Variants in UBAC2 observed in about 807,000 individuals in gnomAD.
UBAC2 encodes UBA domain containing 2.
In UBAC2, 26 loss-of-function variants were observed where a neutral mutation model predicts 44.0. That is an observed-to-expected ratio of 0.59 (90% CI 0.43 to 0.82). The LOEUF (loss-of-function observed/expected upper bound fraction) is 0.82. Ranked by LOEUF, UBAC2 falls within the 40% of genes least tolerant of loss-of-function variation. The pLI, the probability that UBAC2 is intolerant of heterozygous loss-of-function variation, is 0.00. For missense variants in UBAC2, 329 were observed against 419.4 expected (o/e 0.78, Z 1.88); for synonymous variants, 155 against 154.3 (o/e 1.00, Z -0.04).
chr13:99,258,334 G>C (rs755540362), intron 4 of UBAC2: 2 of 152,184 alleles, frequency 1.3e-5, no homozygotes, highest in Non-Finnish European at 2.9e-5. Context: ...CCAGTGTAAC[G>C]CTTGGCGTCG....
chr13:99,278,050 A>C (rs1421200119), intron 4 of UBAC2, among the ~76,000 whole-genome samples: 1 of 152,146 alleles, frequency 6.6e-6, no homozygotes, highest in Non-Finnish European at 1.5e-5. Flanking sequence ...CATGTTTTCC[A>C]GTTCTGCCTC....
intron 4 of UBAC2, among the ~76,000 whole-genome samples, chr13:99,253,856 C>T (rs976772521): frequency 6.6e-6 from 1 of 152,112 alleles, no homozygotes; most frequent in African/African-American, 2.4e-5. Flanking sequence ...GTTCTAAGCC[C>T]CAGTAGGATA....
intron 4 of UBAC2, among the ~76,000 whole-genome samples, chr13:99,297,104 G>A (rs2044187131): frequency 1.3e-5 from 2 of 152,136 alleles, no homozygotes; most frequent in South Asian, 4.1e-4. Flanking sequence ...CTCCCTTGAT[G>A]AACTTTTGGA....
chr13:99,202,093 AAGAT>A (rs1424457321), intron 1 of UBAC2, among the ~76,000 whole-genome samples: 1 of 150,918 alleles, frequency 6.6e-6, no homozygotes, highest in African/African-American at 2.4e-5. Context: ...AAAAAAAAAA[AAGAT>A]CTGTTGGGAA....
chr13:99,307,085 A>C (rs184577800), intron 4 of UBAC2, among the ~76,000 whole-genome samples: 2 of 152,210 alleles, frequency 1.3e-5, no homozygotes, highest in Non-Finnish European at 2.9e-5. Context: ...ATACAGTAGT[A>C]CATGAAGTGA....
chr13:99,263,550 A>G (rs912972734), intron 4 of UBAC2, among the ~76,000 whole-genome samples: 1 of 152,230 alleles, frequency 6.6e-6, no homozygotes, highest in Non-Finnish European at 1.5e-5. Context: ...AGTAACAAGG[A>G]ACATTGCTGG....
chr13:99,270,459 T>C (rs986110776), intron 4 of UBAC2, among the ~76,000 whole-genome samples: 5 of 152,230 alleles, frequency 3.3e-5, no homozygotes, highest in African/African-American at 1.2e-4. Context: ...TTTGTCTTCC[T>C]AAATAATGCT....
intron 4 of UBAC2, among the ~76,000 whole-genome samples, chr13:99,274,048 A>G (rs2043851639): frequency 6.6e-6 from 1 of 152,210 alleles, no homozygotes; most frequent in East Asian, 1.9e-4. Context: ...TCTAAGCACC[A>G]TCCAGTTGAA....
intron 7 of UBAC2, among the ~76,000 whole-genome samples, chr13:99,344,755 AC>A (rs1166479430): frequency 5.3e-5 from 8 of 152,020 alleles, no homozygotes; most frequent in Admixed American, 4.6e-4. Flanking sequence ...GCTCGCTGCC[AC>A]CCCCTGCCAC....
At chr13:99,331,151 G>A (rs1174670046) in intron 6 of UBAC2, among the ~76,000 whole-genome samples, 1 of 152,188 alleles carries the variant, frequency 6.6e-6, no homozygotes, top group African/African-American at 2.4e-5. Flanking sequence ...CTAAGTCCTG[G>A]CGTCCTGGCC....
intron 4 of UBAC2, among the ~76,000 whole-genome samples, chr13:99,263,064 T>C (rs2043691063): frequency 6.6e-6 from 1 of 152,186 alleles, no homozygotes. Flanking sequence ...CCCAGAAATA[T>C]TTACTCATGA....
At chr13:99,318,253 T>G (rs989347367) in intron 6 of UBAC2, among the ~76,000 whole-genome samples, 184 bp downstream of exon 6, 1 of 152,020 alleles carries the variant, frequency 6.6e-6, no homozygotes, top group African/African-American at 2.4e-5. Flanking sequence ...CCACAACCTC[T>G]GCCTCCCGGA....
chr13:99,290,992 G>T (rs1489294931), intron 4 of UBAC2, among the ~76,000 whole-genome samples: 1 of 152,176 alleles, frequency 6.6e-6, no homozygotes, highest in Non-Finnish European at 1.5e-5. Flanking sequence ...ATGGAGCTCA[G>T]GCTACAGGGT....
At chr13:99,207,107 C>T (rs2042881731) in intron 1 of UBAC2, among the ~76,000 whole-genome samples, 1 of 152,268 alleles carries the variant, frequency 6.6e-6, no homozygotes, top group African/African-American at 2.4e-5. Flanking sequence ...GATGCTTTCT[C>T]CTGCGGGTGC....
chr13:99,217,717 G>C (rs2043013420), intron 1 of UBAC2, among the ~76,000 whole-genome samples: 1 of 152,222 alleles, frequency 6.6e-6, no homozygotes, highest in African/African-American at 2.4e-5. Flanking sequence ...AGGTTGTGGG[G>C]GGCAGGTTGG....
intron 1 of UBAC2, among the ~76,000 whole-genome samples, chr13:99,230,836 G>C (rs997169737): frequency 4.6e-5 from 7 of 152,064 alleles, no homozygotes; most frequent in African/African-American, 1.4e-4. Flanking sequence ...GGATCATGAG[G>C]TCAGGAGTCT....
intron 4 of UBAC2, among the ~76,000 whole-genome samples, chr13:99,308,469 G>A (rs2044369013): frequency 6.6e-6 from 1 of 152,158 alleles, no homozygotes; most frequent in Admixed American, 6.5e-5. Flanking sequence ...ATAGCTTTTG[G>A]ATCAAAAGAT....
At chr13:99,350,626 G>A (rs935182047) in intron 7 of UBAC2, among the ~76,000 whole-genome samples, 1 of 152,250 alleles carries the variant, frequency 6.6e-6, no homozygotes, top group Non-Finnish European at 1.5e-5. Flanking sequence ...CCATCTGACT[G>A]TTCATCTGTA....
intron 4 of UBAC2, among the ~76,000 whole-genome samples, chr13:99,298,922 C>T: frequency 6.6e-6 from 1 of 152,006 alleles, no homozygotes. Context: ...GTATTTTTTT[C>T]TAAGTTCTTT....
Sources: gnomAD v4.1 joint callset for allele counts (sites outside exome capture counted in the v4.1 genomes callset) on GRCh38, gnomAD v4.1.1 for gene constraint, MANE v1.5 for transcripts, NCBI Gene and HGNC (gene_info 2026-07-23, HGNC 2026-07-21) for gene names.